GLI2: variants seen among roughly 807,000 people sequenced by gnomAD.
The protein encoded by GLI2 is GLI family zinc finger 2, also known as transcription activator GLI2.
Under a neutral mutation model 78.9 loss-of-function variants are expected in GLI2, and 22 were observed. The ratio of observed to expected loss-of-function variants is 0.28; its 90% CI spans 0.20 to 0.40. GLI2 has a LOEUF of 0.40. Ranked by LOEUF, GLI2 falls within the 10% of genes least tolerant of loss-of-function variation. The probability of loss-of-function intolerance (pLI) is 1.00; values close to 1 mark genes in which losing one functional copy is unlikely to be tolerated. For synonymous variants in GLI2, 974 were observed against 963.7 expected, an observed-to-expected ratio of 1.01 and a Z score of -0.20; for missense variants, 2,097 against 2,213.2, an observed-to-expected ratio of 0.95 and a Z score of 1.05.
At chr2:120,891,703 C>T (rs10199310) in intron 2 of GLI2, among the ~76,000 whole-genome samples, 32,119 of 152,084 alleles carry the variant, frequency 0.21, 5,079 homozygotes, top group African/African-American at 0.45. Context: ...CTCCTGGCTC[C>T]AGTAGAGTGG....
intron 2 of GLI2, among the ~76,000 whole-genome samples, chr2:120,798,501 G>A (rs941131978): frequency 1.3e-5 from 2 of 152,202 alleles, no homozygotes; most frequent in Non-Finnish European, 2.9e-5. Context: ...GAGGGCCTGC[G>A]GGGGGTTGTT....
At chr2:120,771,543 G>A (rs2311402) in intron 1 of GLI2, among the ~76,000 whole-genome samples, 103,219 of 151,980 alleles carry the variant, frequency 0.68, 36,683 homozygotes, top group African/African-American at 0.91. Context: ...GACAGAAGAT[G>A]TTTCTGTTGA....
chr2:120,924,960 T>C (rs1388587147), intron 2 of GLI2, among the ~76,000 whole-genome samples: 1 of 152,252 alleles, frequency 6.6e-6, no homozygotes, highest in South Asian at 2.1e-4. Flanking sequence ...GTTACTGTTA[T>C]CCATTTTCAG....
intron 2 of GLI2, among the ~76,000 whole-genome samples, chr2:120,862,040 C>T (rs546713620): frequency 4.6e-5 from 7 of 152,190 alleles, no homozygotes; most frequent in African/African-American, 7.2e-5. Flanking sequence ...GAAGGGGTGA[C>T]GTGGCCCGTG....
At chr2:120,759,461 A>G (rs1683148637) in intron 1 of GLI2, among the ~76,000 whole-genome samples, 1 of 152,230 alleles carries the variant, frequency 6.6e-6, no homozygotes, top group Non-Finnish European at 1.5e-5. Context: ...TTAATGTGCT[A>G]GAACAGCTCA....
intron 2 of GLI2, among the ~76,000 whole-genome samples, chr2:120,889,938 C>A (rs979807291): frequency 1.3e-4 from 20 of 152,244 alleles, no homozygotes; most frequent in African/African-American, 4.8e-4. Context: ...CTGCATAGGA[C>A]CCAACAGTTA....
chr2:120,875,069 G>A (rs991930109), intron 2 of GLI2, among the ~76,000 whole-genome samples: 4 of 152,204 alleles, frequency 2.6e-5, no homozygotes, highest in East Asian at 1.9e-4. Flanking sequence ...TCTGAGACTC[G>A]CCAGTGGCCT....
chr2:120,975,016 C>G lies in GLI2; in HGVS notation c.1224C>G (p.Asp408Glu). The G allele has an allele frequency of 6.2e-7, 1 of 1,614,216 alleles. No homozygotes were observed. Among genetic ancestry groups the G allele is most frequent in the Non-Finnish European group, 8.5e-7 (1 of 1,180,026 alleles). ...ADLKEDLDRD[D>E]CKQEAEVVIY... ...TCAAGGAAGATCTGGACAGGGATGA[C>G]TGTAAGCAGGAGGCTGAGGTGGTCA... Residue 408 changes from aspartate to glutamate, a missense_variant, in exon 9 of 14, where the codon GAC becomes GAG. Coordinates refer to ENST00000361492, the MANE Select transcript of GLI2 (RefSeq NM_001374353.1).
intron 4 of GLI2, among the ~76,000 whole-genome samples, chr2:120,953,613 A>G (rs1681097920): frequency 1.3e-5 from 2 of 152,216 alleles, no homozygotes; most frequent in African/African-American, 2.4e-5. Flanking sequence ...AAAGACGTCT[A>G]CGGGAGGAAG....
chr2:120,759,153 C>T (rs889866060), intron 1 of GLI2, among the ~76,000 whole-genome samples: 4 of 152,230 alleles, frequency 2.6e-5, no homozygotes, highest in Admixed American at 1.3e-4. Context: ...TACACTCTCA[C>T]TCTGTCAACA....
intron 2 of GLI2, among the ~76,000 whole-genome samples, chr2:120,925,808 C>T (rs1325856462): frequency 6.6e-6 from 1 of 151,966 alleles, no homozygotes; most frequent in Non-Finnish European, 1.5e-5. Flanking sequence ...CGTGGTGGCT[C>T]ACGCCTGTAA....
intron 2 of GLI2, among the ~76,000 whole-genome samples, chr2:120,888,311 T>C (rs1038578164): frequency 1.3e-5 from 2 of 152,202 alleles, no homozygotes; most frequent in Admixed American, 1.3e-4. Flanking sequence ...AGAGGTGTTT[T>C]TGTTTTATTT....
intron 4 of GLI2, among the ~76,000 whole-genome samples, chr2:120,952,794 G>T (rs1408151584): frequency 2.6e-5 from 4 of 152,200 alleles, no homozygotes; most frequent in Admixed American, 2.6e-4. Context: ...GTTGGACAGT[G>T]GGCCCAGCCC....
intron 5 of GLI2, among the ~76,000 whole-genome samples, chr2:120,964,617 A>T (rs1681744856): frequency 6.6e-6 from 1 of 152,208 alleles, no homozygotes; most frequent in Admixed American, 6.5e-5. Context: ...CCGCTTTGCC[A>T]CTGCGCAAGT....
At chr2:120,849,947 G>A (rs1687320483) in intron 2 of GLI2, among the ~76,000 whole-genome samples, 1 of 152,176 alleles carries the variant, frequency 6.6e-6, no homozygotes, top group Non-Finnish European at 1.5e-5. Context: ...TTAAAAATAT[G>A]ATAGTTGAAA....
intron 5 of GLI2, among the ~76,000 whole-genome samples, chr2:120,956,370 T>C (rs60529437): frequency 0.048 from 7,251 of 152,158 alleles, 569 homozygotes; most frequent in African/African-American, 0.16. Flanking sequence ...ATGAAGCTTT[T>C]GGTGCCTGTT....
chr2:120,839,745 T>C (rs1686780901), intron 2 of GLI2, among the ~76,000 whole-genome samples: 1 of 152,174 alleles, frequency 6.6e-6, no homozygotes, highest in Admixed American at 6.5e-5. Context: ...GTATTTTTAG[T>C]AGAGACGTAG....
chr2:120,892,027 T>G (rs531732555), intron 2 of GLI2, among the ~76,000 whole-genome samples: 26 of 152,020 alleles, frequency 1.7e-4, no homozygotes, highest in Non-Finnish European at 4.4e-5. Context: ...CTCTGCGGAT[T>G]GTGGTCACCA....
chr2:120,955,394 G>A lies in GLI2; in HGVS notation c.607G>A (p.Ala203Thr), dbSNP rs147044066. Residue 203 changes from alanine (A) to threonine (T), a missense_variant, in exon 5 of 14, where the codon GCA (alanine) becomes ACA (threonine). Transcript: ENST00000361492. The part of the protein sequence containing the change: ...LLMQSGGAAS[A>T]PHLHDYLNPV... ...GATGCAGAGCGGGGGCGCTGCCAGC[G>A]CACCCCATCTCCACGACTACCTCAA... 1,872 of 1,611,078 alleles carry A rather than the reference G, an allele frequency of 1.2e-3. 3 individuals are homozygous for A. Among genetic ancestry groups the A allele is most frequent in the Non-Finnish European group, 1.5e-3 (1,713 of 1,178,116 alleles).
Sources: gnomAD v4.1 joint callset for allele counts (sites outside exome capture counted in the v4.1 genomes callset) on GRCh38, gnomAD v4.1.1 for gene constraint, MANE v1.5 for transcripts, NCBI Gene and HGNC (gene_info 2026-07-23, HGNC 2026-07-21) for gene names.